PPFIA4: variants seen among roughly 807,000 people sequenced by gnomAD.
The protein encoded by PPFIA4 is liprin-alpha-4.
In PPFIA4, 98 loss-of-function variants were observed where a neutral mutation model predicts 145.7. That is an observed-to-expected ratio of 0.67 (90% CI 0.57 to 0.80). The LOEUF is 0.80. Ranked by LOEUF, PPFIA4 falls within the 30% of genes least tolerant of loss-of-function variation. The pLI, the probability that PPFIA4 is intolerant of heterozygous loss-of-function variation, is 0.00. For missense variants in PPFIA4, 1,457 were observed against 1,632.7 expected, an observed-to-expected ratio of 0.89 and a Z score of 1.85; for synonymous variants, 628 against 649.6, an observed-to-expected ratio of 0.97 and a Z score of 0.51.
rs1330625928 is a variant in PPFIA4, at chr1:203,049,695, T to C, written c.1439T>C (p.Ile480Thr). Residue 480 changes from isoleucine (I) to threonine (T), a missense_variant, in exon 13 of 30, where the codon ATT (isoleucine) becomes ACT (threonine). By Grantham distance (89) the Ile-to-Thr change is moderately conservative. Coordinates refer to ENST00000295706, the MANE Select transcript of PPFIA4 (RefSeq NM_001304331.2). Reference protein sequence around the residue: ...HHHKGRLSEEIEKLRQEVDQL... With the variant: ...HHHKGRLSEETEKLRQEVDQL... ...GCACAGGGCCGCCTGTCTGAAGAGA[T>C]TGAGAAGCTGCGCCAAGAGGTGGAC... 2 of 1,576,784 alleles carry C rather than the reference T, an allele frequency of 1.3e-6. No individual in the cohort carries two copies. The highest frequency in any genetic ancestry group is 1.2e-5 in the South Asian group (1 of 85,474).
intron 23 of PPFIA4, 79 bp from the exon 24 acceptor site, chr1:203,061,573 T>C (rs1454519318): frequency 5.1e-5 from 73 of 1,419,880 alleles, no homozygotes; most frequent in Non-Finnish European, 6.7e-5. Context: ...TTTCCTCTCC[T>C]TGATGGGGCC....
intron 25 of PPFIA4, among the ~76,000 whole-genome samples, chr1:203,067,086 G>GGCAAAAGGAA (rs1661774004): frequency 6.6e-6 from 1 of 152,178 alleles, no homozygotes; most frequent in Non-Finnish European, 1.5e-5. Flanking sequence ...ACTTAATGGA[G>GGCAAAAGGAA]GCAAAAGGAG....
chr1:203,034,815 G>C, intron 1 of PPFIA4: 1 of 407,908 alleles, frequency 2.5e-6, no homozygotes, highest in South Asian at 1.7e-5. Context: ...CATGAAGTCT[G>C]AAGGAGTTGT....
chr1:203,059,224 T>G lies in PPFIA4; in HGVS notation c.2454T>G (p.Pro818=). 1 of 1,558,158 alleles carries G rather than the reference T, an allele frequency of 6.4e-7. No individual in the cohort carries two copies. Among genetic ancestry groups the G allele is most frequent in the Non-Finnish European group, 8.7e-7 (1 of 1,144,188 alleles). The change falls in exon 20 of 30, where the codon CCT becomes CCG. Residue 818 remains proline (P), a synonymous_variant. Transcript: ENST00000295706. ...TCAGTATGCAGGAGCCTATGGTGCC[T>G]GCCAAGCTGGGGACCCAGGCAGAGA... ...SEFSMQEPMV[P]AKLGTQAEKD...
rs1351818420 is a variant in PPFIA4 at position 203,068,402 on chromosome 1, T to C, written c.3149-51T>C. On this transcript the variant is annotated intron_variant, in intron 26 of 29. Coordinates refer to ENST00000295706, the MANE Select transcript of PPFIA4 (RefSeq NM_001304331.2). The surrounding 1 kb of genome is among the most constrained non-coding windows in gnomAD (Gnocchi z 4.7). ...CTCTGCTTCTGTCCTTGGAGGGCCC[T>C]TGATGAAACGTAGTATCTCCTTCCG... 4 of 1,497,830 alleles carry C rather than the reference T, an allele frequency of 2.7e-6. No individual in the cohort carries two copies. Among genetic ancestry groups the C allele is most frequent in the Non-Finnish European group, 3.6e-6 (4 of 1,103,972 alleles). The allele number at this position is 1,497,830 out of a possible 1,614,324, so 92.8% of individuals were successfully genotyped here. A position where few individuals can be genotyped will look rare whatever the true frequency, so the allele number is the denominator to read the frequency against.
rs1659831644 is a variant in PPFIA4, at chr1:203,043,340, C to T, written c.235-57C>T. 2 of 1,470,374 alleles carry T rather than the reference C, an allele frequency of 1.4e-6. No individual in the cohort carries two copies. The highest frequency in any genetic ancestry group is 1.9e-6 in the Non-Finnish European group (2 of 1,070,188). The allele number at this position is 1,470,374 out of a possible 1,614,324, so 91.1% of individuals were successfully genotyped here. A position where few individuals can be genotyped will look rare whatever the true frequency, so the allele number is the denominator to read the frequency against. ...GGATCCCACCACTGACTTGCATGTG[C>T]AGGACACTGCTTTGGGGGTGAATCC... On this transcript the variant is annotated intron_variant, in intron 2 of 29. Coordinates refer to ENST00000295706, the MANE Select transcript of PPFIA4 (RefSeq NM_001304331.2). The surrounding 1 kb of genome is among the most constrained non-coding windows in gnomAD (Gnocchi z 4.4).
Position 203,043,688 on chromosome 1 carries a change from G to T in PPFIA4, c.336+190G>T, listed in dbSNP as rs1659860531. 6.6e-6 allele frequency among the ~76,000 whole-genome samples: 1 copy of T among 152,078 alleles called. No homozygotes were observed. Among genetic ancestry groups the T allele is most frequent in the Non-Finnish European group, 1.5e-5 (1 of 68,012 alleles). ...GTTACATCGTTTAACCACCAGTGCT[G>T]GGCTCTCCACCTGTAGTTGCTGGTT... On this transcript the variant is annotated intron_variant, in intron 3 of 29. Transcript: ENST00000295706. The surrounding 1 kb of genome is among the most constrained non-coding windows in gnomAD (Gnocchi z 4.4).
At chr1:203,030,189 G>A (rs891568745) in intron 1 of PPFIA4, among the ~76,000 whole-genome samples, 26 of 152,188 alleles carry the variant, frequency 1.7e-4, no homozygotes, top group Admixed American at 6.5e-5. Context: ...ATCAAGTCAA[G>A]ACTGGGCTGC....
rs777560235 is a variant in PPFIA4 at position 203,044,078 on chromosome 1, A to G, written c.484A>G (p.Lys162Glu). Reference sequence around the variant, plus strand: ...CCTCAAGTCACTGTTTGAGCACCACAAGGCCCTGGATGAGAAGGTGCCCAC... The same window carrying G: ...CCTCAAGTCACTGTTTGAGCACCACGAGGCCCTGGATGAGAAGGTGCCCAC... ...KALKSLFEHH[K>E]ALDEKVRERL... The change falls in exon 4 of 30, where the codon AAG becomes GAG. Residue 162 changes from lysine to glutamate, a missense_variant. By Grantham distance (56) the Lys-to-Glu change is moderately conservative. Transcript: ENST00000295706. 1 of 1,599,192 alleles carries G rather than the reference A, an allele frequency of 6.3e-7. No individual in the cohort carries two copies. The highest frequency in any genetic ancestry group is 2.2e-5 in the East Asian group (1 of 44,720).
rs1378239631 is a variant in PPFIA4, at chr1:203,060,091, A to G, written c.2584-126A>G. ...GAGTGAGGGGTTTGATGACCGCCAC[A>G]TTCCTATGATCTGTATTTGCTATTC... is the stretch of plus-strand genomic sequence containing the variant. On this transcript the variant is annotated intron_variant, in intron 21 of 29. Transcript: ENST00000295706. This position sits in a 1 kb window ranked among gnomAD's most constrained non-coding sequence, Gnocchi z 4.8. 5 of 926,470 alleles carry G rather than the reference A, an allele frequency of 5.4e-6. No homozygotes were observed. The East Asian group carries it at 1.3e-4, about 24-fold the overall frequency. 57.4% of individuals were successfully genotyped at this position (926,470 alleles called of 1,614,324 possible). A position where few individuals can be genotyped will look rare whatever the true frequency, so the allele number is the denominator to read the frequency against.
chr1:203,056,286 T>C, intron 17 of PPFIA4, 89 bp from the exon 18 acceptor site: 1 of 1,599,310 alleles, frequency 6.3e-7, no homozygotes, highest in South Asian at 1.1e-5. Context: ...CCCCACTGCA[T>C]TTCTCCATGC....
At chr1:203,057,258 T>C (rs1467478656) in intron 19 of PPFIA4, among the ~76,000 whole-genome samples, 1 of 152,244 alleles carries the variant, frequency 6.6e-6, no homozygotes, top group Non-Finnish European at 1.5e-5. Flanking sequence ...TCTTTGAATT[T>C]GGAGATTTTC....
intron 28 of PPFIA4, among the ~76,000 whole-genome samples, chr1:203,074,854 G>A (rs906553671): frequency 6.6e-6 from 1 of 152,236 alleles, no homozygotes; most frequent in South Asian, 2.1e-4. Flanking sequence ...CATGGGTGAG[G>A]GGGGCAGGTG....
At chr1:203,050,621 A>G (rs550326774) in intron 13 of PPFIA4, among the ~76,000 whole-genome samples, 2 of 152,134 alleles carry the variant, frequency 1.3e-5, no homozygotes, top group Non-Finnish European at 2.9e-5. Flanking sequence ...ATATGTGTGG[A>G]GGGGCAGTGG....
intron 14 of PPFIA4, among the ~76,000 whole-genome samples, chr1:203,052,539 C>T (rs998073288): frequency 1.3e-5 from 2 of 152,142 alleles, no homozygotes; most frequent in Non-Finnish European, 2.9e-5. Context: ...AAGATTCACT[C>T]TGCCCTTAAG....
rs780808640 is a variant in PPFIA4, at chr1:203,043,494, C to T, written c.332C>T (p.Thr111Ile). 20 of 1,606,586 alleles carry T rather than the reference C, an allele frequency of 1.2e-5. No homozygotes were observed. The highest frequency in any genetic ancestry group is 1.7e-5 in the Non-Finnish European group (20 of 1,176,828). Residue 111 changes from threonine to isoleucine, a missense_variant, in exon 3 of 30, where the codon ACA (threonine) becomes ATA (isoleucine). Coordinates refer to ENST00000295706, the MANE Select transcript of PPFIA4 (RefSeq NM_001304331.2). This position sits in a 1 kb window ranked among gnomAD's most constrained non-coding sequence, Gnocchi z 4.4. ...GAACTGAAAGCAGAACGGAATAACA[C>T]ACGGGTAAGTGGGGATGACCTTGTG... ...ISELKAERNN[T>I]RLLLEHLECL...
At chr1:203,039,463 C>T (rs1019926500) in intron 2 of PPFIA4, among the ~76,000 whole-genome samples, 1 of 152,324 alleles carries the variant, frequency 6.6e-6, no homozygotes, top group African/African-American at 2.4e-5. Context: ...GGTAGAAAAA[C>T]GCAGCCATAG....
intron 13 of PPFIA4, among the ~76,000 whole-genome samples, chr1:203,050,234 T>C (rs1490542917): frequency 3.9e-5 from 6 of 152,184 alleles, no homozygotes; most frequent in Non-Finnish European, 8.8e-5. Flanking sequence ...TTACTGGAAG[T>C]TGAGACGCCA....
At position 203,060,005 on chromosome 1, in the gene PPFIA4, AACAC is replaced by A. The variant is rs1454173421; in HGVS notation, c.2583+162_2583+165del. 1.3e-5 allele frequency among the ~76,000 whole-genome samples: 2 copies of A among 152,050 alleles called. No individual in the cohort carries two copies. Among genetic ancestry groups the A allele is most frequent in the Non-Finnish European group, 2.9e-5 (2 of 68,002 alleles). ...GCATTTAGCCCCCCTCCCCCTCCCC[AACAC>A]ACACACATACCAGTCGCAGGAGAGA... On this transcript the variant is annotated intron_variant, in intron 21 of 29. Coordinates refer to ENST00000295706, the MANE Select transcript of PPFIA4 (RefSeq NM_001304331.2). The surrounding 1 kb of genome is among the most constrained non-coding windows in gnomAD (Gnocchi z 4.8).
Sources: allele counts gnomAD v4.1 joint callset (sites outside exome capture counted in the v4.1 genomes callset), GRCh38; gene constraint gnomAD v4.1.1; non-coding constraint Gnocchi (gnomAD v3.1); transcripts MANE v1.5; gene names NCBI Gene and HGNC (gene_info 2026-07-23, HGNC 2026-07-21).